Variants in NKAIN2 observed in about 807,000 individuals in gnomAD.
NKAIN2 encodes sodium/potassium-transporting ATPase subunit beta-1-interacting protein 2.
Under a neutral mutation model 32.6 loss-of-function variants are expected in NKAIN2, and 14 were observed. That is an observed-to-expected ratio of 0.43 (90% CI 0.28 to 0.67). The LOEUF (loss-of-function observed/expected upper bound fraction) is 0.67, where lower values mean the gene tolerates loss of function less well. Among genes scored for constraint, NKAIN2 ranks in the 30% least tolerant of loss-of-function variants. NKAIN2 has a pLI of 0.17. For synonymous variants in NKAIN2, 80 were observed against 87.2 expected, an observed-to-expected ratio of 0.92 and a Z score of 0.46; for missense variants, 198 against 258.3, an observed-to-expected ratio of 0.77 and a Z score of 1.60.
intron 1 of NKAIN2, among the ~76,000 whole-genome samples, chr6:124,066,337 C>A (rs893643391): frequency 6.6e-6 from 1 of 152,002 alleles, no homozygotes; most frequent in Admixed American, 6.6e-5. Context: ...AGCATTGCAC[C>A]CATTTTGTTC....
chr6:123,927,317 C>T (rs910466340), intron 1 of NKAIN2, among the ~76,000 whole-genome samples: 2 of 152,138 alleles, frequency 1.3e-5, no homozygotes, highest in Admixed American at 1.3e-4. Flanking sequence ...CTTAATTTTT[C>T]ATATAAACAT....
intron 1 of NKAIN2, among the ~76,000 whole-genome samples, chr6:123,925,384 A>G (rs932166731): frequency 5.3e-5 from 8 of 152,194 alleles, no homozygotes; most frequent in African/African-American, 1.4e-4. Context: ...AAGGGCTATA[A>G]AACAAAGTGG....
chr6:124,421,079 A>AT (rs1562173420), intron 3 of NKAIN2, among the ~76,000 whole-genome samples: 1 of 137,926 alleles, frequency 7.3e-6, no homozygotes, highest in Non-Finnish European at 1.7e-5. Flanking sequence ...AAAATTAAAA[A>AT]AAAAAAAAAA....
At chr6:124,652,580 T>C (rs996476904) in intron 3 of NKAIN2, among the ~76,000 whole-genome samples, 2 of 152,172 alleles carry the variant, frequency 1.3e-5, no homozygotes, top group Admixed American at 1.3e-4. Flanking sequence ...CACCCCAGAC[T>C]GGGTAATTTA....
rs532099125 is a variant in NKAIN2, at chr6:124,141,967, G to C, written c.55-141038G>C. Among the ~76,000 whole-genome samples the C allele has an allele frequency of 2.6e-5, 4 of 152,258 alleles. No homozygotes were observed. The South Asian group carries it at 8.3e-4, about 32-fold the overall frequency. On this transcript the variant is annotated intron_variant, in intron 1 of 6. Coordinates refer to ENST00000368417, the MANE Select transcript of NKAIN2 (RefSeq NM_001040214.3). ...TATAATGAGGCTGTGTTCAGAACTGGTCTAGGCACTTTGCTCAGAAAATAA... is the reference window on the plus strand; with the variant it reads ...TATAATGAGGCTGTGTTCAGAACTGCTCTAGGCACTTTGCTCAGAAAATAA...
chr6:124,815,378 ATACTC>A (rs1781116149), intron 5 of NKAIN2, among the ~76,000 whole-genome samples: 1 of 151,474 alleles, frequency 6.6e-6, no homozygotes, highest in Non-Finnish European at 1.5e-5. Flanking sequence ...TGTTCAAGCA[ATACTC>A]CTGAGCCTCC....
chr6:124,660,587 TC>T lies in NKAIN2; in HGVS notation c.474+2207del, dbSNP rs573092811. ...TGGCTCTTGTTTCTCCTGTCTGCAT[TC>T]CCCCCAGTGGAGTGAAGGAATAGTT... On this transcript the variant is annotated intron_variant, in intron 4 of 6. Transcript: ENST00000368417. 2.2e-3 allele frequency among the ~76,000 whole-genome samples: 340 copies of T among 152,202 alleles called. 2 individuals carry two copies. The highest frequency in any genetic ancestry group is 4.4e-3 in the Non-Finnish European group (296 of 68,012).
chr6:124,171,622 GCT>G (rs1788866908), intron 1 of NKAIN2, among the ~76,000 whole-genome samples: 1 of 136,550 alleles, frequency 7.3e-6, no homozygotes, highest in Non-Finnish European at 1.5e-5. Context: ...TACCATCTCG[GCT>G]CACTGCAACG....
chr6:124,140,583 G>A (rs1465054203), intron 1 of NKAIN2, among the ~76,000 whole-genome samples: 2 of 152,086 alleles, frequency 1.3e-5, no homozygotes, highest in Non-Finnish European at 2.9e-5. Flanking sequence ...CTGGTAACTT[G>A]TTCACTGACT....
chr6:124,675,178 T>A (rs1360044937), intron 4 of NKAIN2, among the ~76,000 whole-genome samples: 1 of 152,134 alleles, frequency 6.6e-6, no homozygotes, highest in Non-Finnish European at 1.5e-5. Flanking sequence ...TTGATTTTTG[T>A]ATGTTGAACC....
intron 1 of NKAIN2, among the ~76,000 whole-genome samples, chr6:124,214,254 G>T (rs185868155): frequency 7.6e-4 from 115 of 152,192 alleles, no homozygotes; most frequent in African/African-American, 2.7e-3. Context: ...CTACCACATA[G>T]ATGTAAAGAT....
chr6:123,976,285 A>G (rs1778576689), intron 1 of NKAIN2, among the ~76,000 whole-genome samples: 1 of 111,566 alleles, frequency 9.0e-6, no homozygotes. Context: ...ATATGTTTCC[A>G]TATATATGTT....
At chr6:124,327,570 A>T (rs1394999605) in intron 2 of NKAIN2, among the ~76,000 whole-genome samples, 1 of 152,158 alleles carries the variant, frequency 6.6e-6, no homozygotes, top group Non-Finnish European at 1.5e-5. Context: ...GTGTCTATTT[A>T]CTCAATTTTA....
intron 1 of NKAIN2, among the ~76,000 whole-genome samples, chr6:124,017,445 T>G (rs916550939): frequency 6.6e-5 from 10 of 152,240 alleles, no homozygotes; most frequent in Non-Finnish European, 1.2e-4. Flanking sequence ...TCATTTCACA[T>G]TAACTCTAAA....
intron 1 of NKAIN2, among the ~76,000 whole-genome samples, chr6:124,145,846 T>C (rs759801785): frequency 6.6e-6 from 1 of 151,956 alleles, no homozygotes; most frequent in Admixed American, 6.6e-5. Context: ...CTGGAACTAG[T>C]AGTTAAGAAT....
chr6:124,112,027 T>C (rs1271918354), intron 1 of NKAIN2, among the ~76,000 whole-genome samples: 2 of 152,150 alleles, frequency 1.3e-5, no homozygotes, highest in Non-Finnish European at 2.9e-5. Context: ...ATTGTGTTTG[T>C]ATCTTTATAG....
At chr6:124,437,823 C>T (rs917155161) in intron 3 of NKAIN2, 58 of 374,746 alleles carry the variant, frequency 1.5e-4, no homozygotes, top group Middle Eastern at 3.9e-4. Context: ...ATTTCCTCAA[C>T]GCATGGGATA....
intron 4 of NKAIN2, among the ~76,000 whole-genome samples, chr6:124,689,654 G>C (rs1774166197): frequency 6.6e-6 from 1 of 152,040 alleles, no homozygotes; most frequent in African/African-American, 2.4e-5. Flanking sequence ...CCAGGTCTAT[G>C]TTTAGATTCA....
intron 3 of NKAIN2, among the ~76,000 whole-genome samples, chr6:124,523,293 TG>T (rs1779192378): frequency 6.6e-6 from 1 of 152,164 alleles, no homozygotes; most frequent in South Asian, 2.1e-4. Context: ...TCAAAATGAA[TG>T]GAATTTGTCC....
Sources: gnomAD v4.1 joint callset for allele counts (sites outside exome capture counted in the v4.1 genomes callset) on GRCh38, gnomAD v4.1.1 for gene constraint, MANE v1.5 for transcripts, NCBI Gene and HGNC (gene_info 2026-07-23, HGNC 2026-07-21) for gene names.